The following ETV6 variants were observed in gnomAD, a reference collection of about 807,000 sequenced individuals.
ETV6 encodes the protein ETS variant transcription factor 6, also known as transcription factor ETV6.
ETV6 carries 16 observed loss-of-function variants against 51.1 expected under a neutral mutation model. The observed-to-expected ratio is 0.31, with a 90% CI of 0.21 to 0.48. ETV6 has a LOEUF of 0.48. ETV6 is among the 20% of genes least tolerant of loss of function. The pLI, the probability that ETV6 is intolerant of heterozygous loss-of-function variation, is 0.99. For missense variants in ETV6, 458 were observed against 594.8 expected (o/e 0.77, Z 2.39); for synonymous variants, 240 against 224.1 (o/e 1.07, Z -0.64).
chr12:11,778,610 A>G (rs996676649), intron 2 of ETV6, among the ~76,000 whole-genome samples: 2 of 151,926 alleles, frequency 1.3e-5, no homozygotes, highest in African/African-American at 2.4e-5. Flanking sequence ...ATCATTCCCA[A>G]CTCTGCCTGA....
At chr12:11,825,892 C>T (rs1387335978) in intron 2 of ETV6, among the ~76,000 whole-genome samples, 3 of 145,604 alleles carry the variant, frequency 2.1e-5, no homozygotes, top group African/African-American at 7.7e-5. Context: ...GGCTGGAGTG[C>T]AGTGGTATAA....
At chr12:11,849,761 A>G (rs1946520409) in intron 3 of ETV6, among the ~76,000 whole-genome samples, 1 of 152,150 alleles carries the variant, frequency 6.6e-6, no homozygotes, top group African/African-American at 2.4e-5. Context: ...TCTTTCTGGG[A>G]GAAGGGGAGG....
chr12:11,869,534 CCTT>C lies in ETV6; in HGVS notation c.577_579del (p.Ser193del). 6.2e-7 allele frequency: 1 copy of C among 1,614,172 alleles called. No individual in the cohort carries two copies. The highest frequency in any genetic ancestry group is 8.5e-7 in the Non-Finnish European group (1 of 1,180,026). ...GTCACCTATCACGACAAATCACCGG[CCTT>C]CTCCTGACCCCGAGCAGCGGCCCCT... is the stretch of plus-strand genomic sequence containing the variant. On this transcript the variant is annotated inframe_deletion, in exon 5 of 8. Coordinates refer to ENST00000396373, the MANE Select transcript of ETV6 (RefSeq NM_001987.5). The surrounding 1 kb of genome is among the most constrained non-coding windows in gnomAD (Gnocchi z 5.0).
chr12:11,684,227 G>C (rs1250895876), intron 1 of ETV6, among the ~76,000 whole-genome samples: 1 of 152,226 alleles, frequency 6.6e-6, no homozygotes, highest in Admixed American at 6.5e-5. Context: ...TAAAGTGGCA[G>C]ATAAATCTTA....
At chr12:11,871,940 A>T (rs917484250) in intron 5 of ETV6, among the ~76,000 whole-genome samples, 1 of 152,230 alleles carries the variant, frequency 6.6e-6, no homozygotes, top group Non-Finnish European at 1.5e-5. Flanking sequence ...TCCCCAAATA[A>T]TTGGAGAAGG....
chr12:11,698,508 G>A (rs1303530113), intron 1 of ETV6, among the ~76,000 whole-genome samples: 1 of 152,160 alleles, frequency 6.6e-6, no homozygotes, highest in African/African-American at 2.4e-5. Flanking sequence ...GAGGATTTTA[G>A]TTTCTTACTA....
chr12:11,826,601 AGT>A (rs1480391235), intron 2 of ETV6: 2 of 152,342 alleles, frequency 1.3e-5, no homozygotes, highest in African/African-American at 4.8e-5. Context: ...ACCAAAGCTA[AGT>A]GTGAACAGCC....
intron 2 of ETV6, among the ~76,000 whole-genome samples, chr12:11,833,351 TTC>T (rs1946269978): frequency 1.3e-5 from 2 of 152,258 alleles, no homozygotes; most frequent in South Asian, 4.1e-4. Context: ...GTCCTCATTT[TTC>T]AGTTGACACC....
At chr12:11,830,798 T>C (rs895280620) in intron 2 of ETV6, among the ~76,000 whole-genome samples, 5 of 152,194 alleles carry the variant, frequency 3.3e-5, no homozygotes, top group Non-Finnish European at 2.9e-5. Context: ...AATTCACAAT[T>C]TCATCTCCCA....
Position 11,890,986 on chromosome 12 carries a change from T to A in ETV6, c.1299T>A (p.Arg433=), listed in dbSNP as rs773273092. 1 of 1,613,906 alleles carries A rather than the reference T, an allele frequency of 6.2e-7. No individual in the cohort carries two copies. The highest frequency in any genetic ancestry group is 1.1e-5 in the South Asian group (1 of 91,068). The part of the protein sequence containing the change: ...PDEIMSGRTD[R]LEHLESQELD... ...AAATCATGAGTGGCCGAACAGACCG[T>A]CTGGAGCACCTAGAGTCCCAGGAGC... The change falls in exon 8 of 8, where the codon CGT becomes CGA. Residue 433 remains arginine (R), a synonymous_variant. Transcript: ENST00000396373.
intron 2 of ETV6, among the ~76,000 whole-genome samples, chr12:11,756,898 T>C (rs1565513961): frequency 6.6e-6 from 1 of 152,248 alleles, no homozygotes; most frequent in Non-Finnish European, 1.5e-5. Flanking sequence ...TAATTAAATG[T>C]CGTTATTTTA....
chr12:11,835,255 T>C (rs1937882767), intron 2 of ETV6, among the ~76,000 whole-genome samples: 1 of 152,220 alleles, frequency 6.6e-6, no homozygotes, highest in African/African-American at 2.4e-5. Context: ...CTGAAACTAA[T>C]TGGCATTAAA....
At chr12:11,715,393 C>T (rs918962090) in intron 1 of ETV6, among the ~76,000 whole-genome samples, 1 of 152,150 alleles carries the variant, frequency 6.6e-6, no homozygotes, top group East Asian at 1.9e-4. Flanking sequence ...TTACTAGATA[C>T]ATAGTGAGTG....
At chr12:11,695,771 G>A (rs748978299) in intron 1 of ETV6, among the ~76,000 whole-genome samples, 2 of 152,228 alleles carry the variant, frequency 1.3e-5, no homozygotes, top group Non-Finnish European at 2.9e-5. Flanking sequence ...CTGGAGGATT[G>A]TGAGGAACCT....
At chr12:11,801,863 C>G (rs1032004540) in intron 2 of ETV6, among the ~76,000 whole-genome samples, 3 of 152,146 alleles carry the variant, frequency 2.0e-5, no homozygotes, top group African/African-American at 7.2e-5. Context: ...CTGACAAACC[C>G]AAGGCCAGCA....
intron 5 of ETV6, among the ~76,000 whole-genome samples, chr12:11,882,989 T>C (rs1323242960): frequency 2.6e-5 from 4 of 152,222 alleles, no homozygotes; most frequent in Non-Finnish European, 5.9e-5. Context: ...TCAGAAATAA[T>C]ACAGGTAAAG....
intron 1 of ETV6, among the ~76,000 whole-genome samples, chr12:11,721,833 G>A (rs776402009): frequency 2.2e-4 from 34 of 152,146 alleles, no homozygotes; most frequent in Admixed American, 2.1e-3. Flanking sequence ...TTTTTCTTAC[G>A]AGAGTAAAAT....
chr12:11,727,319 G>T (rs542242939), intron 1 of ETV6, among the ~76,000 whole-genome samples: 2 of 152,368 alleles, frequency 1.3e-5, no homozygotes, highest in East Asian at 1.9e-4. Context: ...CAAGCCAACC[G>T]CACACCTCAC....
intron 2 of ETV6, among the ~76,000 whole-genome samples, chr12:11,795,859 A>G (rs1274845262): frequency 6.6e-6 from 1 of 152,250 alleles, no homozygotes; most frequent in South Asian, 2.1e-4. Context: ...TGGTTCGAAG[A>G]AATAAGTGAA....
Sources: allele counts gnomAD v4.1 joint callset (sites outside exome capture counted in the v4.1 genomes callset), GRCh38; gene constraint gnomAD v4.1.1; non-coding constraint Gnocchi (gnomAD v3.1); transcripts MANE v1.5; gene names NCBI Gene and HGNC (gene_info 2026-07-23, HGNC 2026-07-21).